CADM2: variants seen among roughly 807,000 people sequenced by gnomAD.
The protein encoded by CADM2 is immunoglobulin superfamily member 4D.
In CADM2, 12 loss-of-function variants were observed where a neutral mutation model predicts 49.8. The ratio of observed to expected loss-of-function variants is 0.24; its 90% CI spans 0.15 to 0.39. The LOEUF (loss-of-function observed/expected upper bound fraction) is 0.39. Ranked by LOEUF, CADM2 falls within the 10% of genes least tolerant of loss-of-function variation. The pLI, the probability that CADM2 is intolerant of heterozygous loss-of-function variation, is 1.00. For missense variants in CADM2, 378 were observed against 492.3 expected (o/e 0.77, Z 2.20); for synonymous variants, 214 against 175.4 (o/e 1.22, Z -1.74).
At chr3:85,454,289 A>T (rs942885399) in intron 1 of CADM2, among the ~76,000 whole-genome samples, 4 of 151,964 alleles carry the variant, frequency 2.6e-5, no homozygotes, top group Non-Finnish European at 5.9e-5. Flanking sequence ...CGAGATTACA[A>T]CACTGCACTC....
intron 1 of CADM2, among the ~76,000 whole-genome samples, chr3:85,220,164 T>G (rs2042014386): frequency 6.6e-6 from 1 of 152,008 alleles, no homozygotes; most frequent in South Asian, 2.1e-4. Flanking sequence ...AAATACTAGA[T>G]TTTTGTTGTT....
chr3:85,187,050 A>C (rs1261963396), intron 1 of CADM2, among the ~76,000 whole-genome samples: 2 of 152,176 alleles, frequency 1.3e-5, no homozygotes, highest in Non-Finnish European at 2.9e-5. Context: ...GGGTCATTAC[A>C]TATATTATTT....
At chr3:85,699,639 C>T (rs1420856984) in intron 1 of CADM2, among the ~76,000 whole-genome samples, 1 of 152,226 alleles carries the variant, frequency 6.6e-6, no homozygotes, top group Non-Finnish European at 1.5e-5. Flanking sequence ...AGCTGGGATG[C>T]AGGGAGCATT....
chr3:85,351,369 C>A (rs2031327349), intron 1 of CADM2, among the ~76,000 whole-genome samples: 1 of 152,090 alleles, frequency 6.6e-6, no homozygotes, highest in African/African-American at 2.4e-5. Context: ...GATATCACAT[C>A]AAAATAGGCA....
At chr3:85,241,748 T>C (rs1057243762) in intron 1 of CADM2, among the ~76,000 whole-genome samples, 1 of 151,594 alleles carries the variant, frequency 6.6e-6, no homozygotes, top group African/African-American at 2.4e-5. Flanking sequence ...TTTATATGTA[T>C]TTCAAATGTG....
At chr3:85,750,117 T>A (rs879024408) in intron 2 of CADM2, among the ~76,000 whole-genome samples, 1 of 151,952 alleles carries the variant, frequency 6.6e-6, no homozygotes, top group Non-Finnish European at 1.5e-5. Context: ...GAACTCATCT[T>A]AAGACTTTTT....
chr3:85,153,748 G>A lies in CADM2; in HGVS notation c.61+194080G>A, dbSNP rs944792109. 7.2e-5 allele frequency among the ~76,000 whole-genome samples: 11 copies of A among 152,236 alleles called. No individual in the cohort carries two copies. In the South Asian group the frequency reaches 1.0e-3, roughly 14 times the overall value. ...AGCACGCAGCTGGAGATCTGAGAAC[G>A]GGCAGACTGCCTCCTCAAGTGGGTC... On this transcript the variant is annotated intron_variant, in intron 1 of 9. Transcript: ENST00000383699.
intron 1 of CADM2, among the ~76,000 whole-genome samples, chr3:85,144,245 G>GCACACACACACA (rs3083491): frequency 1.1e-4 from 17 of 149,040 alleles, no homozygotes; most frequent in African/African-American, 2.5e-4. Flanking sequence ...TGTTACACAC[G>GCACACACACACA]CACACACACA....
rs140462286 is a variant in CADM2 at position 85,209,774 on chromosome 3, A to T, written c.61+250106A>T. On this transcript the variant is annotated intron_variant, in intron 1 of 9. Transcript: ENST00000383699. ...AAGTGAACTAACAACTTGATTTAAAACACTACTAGCTCTCTGTTTTCCAGA... is the reference window on the plus strand; with the variant it reads ...AAGTGAACTAACAACTTGATTTAAATCACTACTAGCTCTCTGTTTTCCAGA... Among the ~76,000 whole-genome samples, 13 of 152,312 alleles carry T rather than the reference A, an allele frequency of 8.5e-5. No individual in the cohort carries two copies. In the East Asian group the frequency reaches 2.3e-3, roughly 27 times the overall value.
rs1373901651 is a variant in CADM2, at chr3:86,074,000, T to C, written c.*7217T>C. On this transcript the variant is annotated 3_prime_UTR_variant, in exon 10 of 10. Transcript: ENST00000383699. ...GATGACTAAGGGTCAAAAAAAATGT[T>C]GCTGACTTAGGGAAATTTGCTTGAG... The C allele has an allele frequency of 6.6e-6, 1 of 152,026 alleles. No individual in the cohort carries two copies. The allele number at this position is 152,026 out of a possible 1,614,324, so 9.4% of individuals were successfully genotyped here. A position where few individuals can be genotyped will look rare whatever the true frequency, so the allele number is the denominator to read the frequency against.
chr3:85,249,378 T>G (rs2042724249), intron 1 of CADM2, among the ~76,000 whole-genome samples: 1 of 152,038 alleles, frequency 6.6e-6, no homozygotes, highest in Non-Finnish European at 1.5e-5. Context: ...TTCTCTGTCC[T>G]TTTTTCAAAG....
intron 6 of CADM2, among the ~76,000 whole-genome samples, chr3:85,923,180 A>G (rs1409302583): frequency 6.6e-6 from 1 of 152,154 alleles, no homozygotes; most frequent in Non-Finnish European, 1.5e-5. Flanking sequence ...ACATGTTTCC[A>G]TTTATGGACT....
chr3:85,293,104 A>G (rs1338986849), intron 1 of CADM2, among the ~76,000 whole-genome samples: 1 of 152,224 alleles, frequency 6.6e-6, no homozygotes, highest in African/African-American at 2.4e-5. Context: ...GATAAAGGGG[A>G]TATCATCACT....
At chr3:85,839,934 T>C (rs1442007770) in intron 3 of CADM2, among the ~76,000 whole-genome samples, 1 of 151,896 alleles carries the variant, frequency 6.6e-6, no homozygotes, top group African/African-American at 2.4e-5. Context: ...CATCATTTTT[T>C]GGCCATGTCT....
At chr3:85,916,858 G>T (rs576358407) in intron 6 of CADM2, among the ~76,000 whole-genome samples, 1 of 152,080 alleles carries the variant, frequency 6.6e-6, no homozygotes, top group African/African-American at 2.4e-5. Flanking sequence ...TTTAATGATC[G>T]CCATTCTAAC....
intron 3 of CADM2, among the ~76,000 whole-genome samples, chr3:85,865,107 A>G: frequency 6.6e-6 from 1 of 152,230 alleles, no homozygotes; most frequent in Non-Finnish European, 1.5e-5. Flanking sequence ...TCTCACTGCT[A>G]CAGGCCTGCA....
intron 8 of CADM2, among the ~76,000 whole-genome samples, chr3:85,971,413 A>G (rs543819704): frequency 6.6e-6 from 1 of 151,804 alleles, no homozygotes; most frequent in African/African-American, 2.4e-5. Context: ...TAGAGGTTAA[A>G]TTACATGCAA....
intron 2 of CADM2, among the ~76,000 whole-genome samples, chr3:85,746,603 C>T (rs2068632729): frequency 6.6e-6 from 1 of 151,950 alleles, no homozygotes; most frequent in Admixed American, 6.6e-5. Flanking sequence ...CCTGTGACTC[C>T]ATCCTGCAGC....
chr3:84,963,427 C>G (rs1224350407), intron 1 of CADM2, among the ~76,000 whole-genome samples: 1 of 152,052 alleles, frequency 6.6e-6, no homozygotes, highest in Non-Finnish European at 1.5e-5. Flanking sequence ...AAAAAAGAAA[C>G]AAGGGCAAAA....
Sources: gnomAD v4.1 joint callset for allele counts (sites outside exome capture counted in the v4.1 genomes callset) on GRCh38, gnomAD v4.1.1 for gene constraint, MANE v1.5 for transcripts, NCBI Gene and HGNC (gene_info 2026-07-23, HGNC 2026-07-21) for gene names.